Variants in MPP4 observed in about 807,000 individuals in gnomAD.
The protein encoded by MPP4 is MAGUK p55 scaffold protein 4.
Under a neutral mutation model 98.3 loss-of-function variants are expected in MPP4, and 91 were observed. The ratio of observed to expected loss-of-function variants is 0.93; its 90% CI spans 0.78 to 1.10. The LOEUF is 1.10. Among genes scored for constraint, MPP4 ranks in the 50% least tolerant of loss-of-function variants. The probability of loss-of-function intolerance (pLI) is 0.00; values close to 1 mark genes in which losing one functional copy is unlikely to be tolerated. For missense variants in MPP4, 744 were observed against 792.9 expected, an observed-to-expected ratio of 0.94 and a Z score of 0.74; for synonymous variants, 261 against 271.8, an observed-to-expected ratio of 0.96 and a Z score of 0.39.
chr2:201,662,177 C>G (rs1688047296), intron 14 of MPP4: 1 of 211,086 alleles, frequency 4.7e-6, no homozygotes, highest in Admixed American at 5.9e-5. Flanking sequence ...TTTTAAAAAT[C>G]AATACAATGC....
At chr2:201,656,083 T>G (rs1687838295) in intron 17 of MPP4, 115 bp downstream of exon 17, 2 of 1,173,560 alleles carry the variant, frequency 1.7e-6, no homozygotes, top group Admixed American at 3.1e-5. Context: ...AAAAAGGTAT[T>G]TGTATGGGGG....
Position 201,678,170 on chromosome 2 carries a change from C to G in MPP4, c.929+2668G>C, listed in dbSNP as rs549889752. On this transcript the variant is annotated intron_variant, in intron 10 of 21. Coordinates refer to ENST00000409474, the MANE Select transcript of MPP4 (RefSeq NM_033066.3). ...CCTATCATTCTTTGTTTGTGTGCCC[C>G]CCCAAGAAACCCATAATTGGGTTTT... Among the ~76,000 whole-genome samples the G allele has an allele frequency of 1.7e-4, 26 of 152,228 alleles. No homozygotes were observed. In the South Asian group the frequency reaches 2.5e-3, roughly 15 times the overall value.
intron 13 of MPP4, 85 bp from the exon 14 acceptor site, chr2:201,664,186 G>A: frequency 6.7e-7 from 1 of 1,502,704 alleles, no homozygotes; most frequent in Non-Finnish European, 9.0e-7. Flanking sequence ...TAATTCTCTG[G>A]CCCCTACTTC....
intron 3 of MPP4, among the ~76,000 whole-genome samples, chr2:201,692,591 A>T (rs1381937035): frequency 1.3e-5 from 2 of 151,452 alleles, no homozygotes; most frequent in Non-Finnish European, 2.9e-5. Context: ...CCGATAGGTC[A>T]TCAGGGCTCT....
At chr2:201,658,351 G>A (rs1687918680) in intron 16 of MPP4, 126 bp downstream of exon 16, 5 of 735,292 alleles carry the variant, frequency 6.8e-6, no homozygotes, top group Non-Finnish European at 1.1e-5. Context: ...AGAAAGAAAA[G>A]GAAACTAGAA....
At chr2:201,660,650 G>C (rs1209193474) in intron 14 of MPP4, among the ~76,000 whole-genome samples, 3 of 152,044 alleles carry the variant, frequency 2.0e-5, no homozygotes, top group African/African-American at 7.2e-5. Context: ...GGGCTTCAAA[G>C]GGAGAAGTTA....
At chr2:201,684,408 T>C (rs1282938293) in intron 7 of MPP4, among the ~76,000 whole-genome samples, 1 of 152,116 alleles carries the variant, frequency 6.6e-6, no homozygotes. Context: ...ACTCAAACGG[T>C]GTAACTCTGA....
In MPP4 at chr2:201,651,066, A is replaced by C. The variant is rs550778394; in HGVS notation, c.1382-901T>G. The C allele has an allele frequency of 1.5e-5, 15 of 985,406 alleles. No homozygotes were observed. The Admixed American group carries it at 8.0e-4, about 52-fold the overall frequency. 61.0% of individuals were successfully genotyped at this position (985,406 alleles called of 1,614,324 possible). On this transcript the variant is annotated intron_variant, in intron 18 of 21. Transcript: ENST00000409474. ...TAAGACAGTTTCAACTCTGCATCCT[A>C]TATACTGTAAAGCTAGTCCCTTAAT... is the stretch of plus-strand genomic sequence containing the variant.
chr2:201,684,738 C>T (rs1416610168), intron 7 of MPP4, among the ~76,000 whole-genome samples: 7 of 151,914 alleles, frequency 4.6e-5, no homozygotes, highest in South Asian at 4.1e-4. Context: ...ATCACGAGGT[C>T]GGGAGATTGA....
intron 16 of MPP4, 67 bp downstream of exon 16, chr2:201,658,410 A>G: frequency 7.4e-7 from 1 of 1,347,126 alleles, no homozygotes; most frequent in African/African-American, 1.5e-5. Context: ...CTTTCAAAAC[A>G]GTGTCAGGTT....
At chr2:201,652,517 T>A (rs1687741954) in intron 18 of MPP4, among the ~76,000 whole-genome samples, 1 of 152,164 alleles carries the variant, frequency 6.6e-6, no homozygotes, top group Non-Finnish European at 1.5e-5. Flanking sequence ...TTCACTCAGG[T>A]TTAATTTTAA....
In MPP4 at chr2:201,680,972, G is replaced by A. The variant is rs746057171; in HGVS notation, c.795C>T (p.Asp265=). The A allele has an allele frequency of 9.9e-6, 16 of 1,613,778 alleles. No individual in the cohort carries two copies. The highest frequency in any genetic ancestry group is 5.5e-5 in the South Asian group (5 of 91,082). The change falls in exon 10 of 22, where the codon GAC becomes GAT. Residue 265 remains aspartate (D), a synonymous_variant. Coordinates refer to ENST00000409474, the MANE Select transcript of MPP4 (RefSeq NM_033066.3). ...CCCCCTTCTGGAAAGGCAATCCAGC[G>A]TCCATGCAGGGGATGTCGGGATCCT... The part of the protein sequence containing the change: ...PQEDPDIPCM[D]AGLPFQKGDI...
chr2:201,686,550 A>T (rs1255850559), intron 5 of MPP4, among the ~76,000 whole-genome samples: 1 of 152,216 alleles, frequency 6.6e-6, no homozygotes, highest in Non-Finnish European at 1.5e-5. Flanking sequence ...GGGTATGATC[A>T]TAGGGTATGA....
intron 1 of MPP4, chr2:201,698,011 A>G: frequency 1.0e-6 from 1 of 985,406 alleles, no homozygotes; most frequent in Non-Finnish European, 1.2e-6. Flanking sequence ...AGAATTCTTG[A>G]TTGAGACTGC....
rs551237388 is a variant in MPP4, at chr2:201,671,566, C to A, written c.995-1816G>T. Among the ~76,000 whole-genome samples the A allele has an allele frequency of 4.3e-4, 65 of 152,032 alleles. No homozygotes were observed. The South Asian group carries it at 0.013, about 31-fold the overall frequency. ...AAGGGATGGAGGAATATTTACCAAG[C>A]AAATGGAAAGCAAAAAAAAGCAGGG... On this transcript the variant is annotated intron_variant, in intron 11 of 21. Transcript: ENST00000409474.
chr2:201,657,512 A>G (rs1687879548), intron 16 of MPP4, among the ~76,000 whole-genome samples: 3 of 151,756 alleles, frequency 2.0e-5, no homozygotes, highest in Admixed American at 2.0e-4. Context: ...ATGTCAATCC[A>G]ACACTACAGG....
chr2:201,678,160 T>C (rs1688566056), intron 10 of MPP4, among the ~76,000 whole-genome samples: 1 of 151,542 alleles, frequency 6.6e-6, no homozygotes, highest in Non-Finnish European at 1.5e-5. Flanking sequence ...CATTCTTTGT[T>C]TGTGTGCCCC....
chr2:201,660,849 T>C (rs749951023), intron 14 of MPP4, among the ~76,000 whole-genome samples: 1 of 152,150 alleles, frequency 6.6e-6, no homozygotes, highest in Non-Finnish European at 1.5e-5. Context: ...AGCTGCCCCA[T>C]GAAGACAGAG....
At chr2:201,673,246 C>T (rs769108470) in intron 11 of MPP4, among the ~76,000 whole-genome samples, 44 of 152,064 alleles carry the variant, frequency 2.9e-4, no homozygotes, top group Admixed American at 1.3e-4. Context: ...TTATGACAAA[C>T]GCACAGCCAG....
Sources: gnomAD v4.1 joint callset for allele counts (sites outside exome capture counted in the v4.1 genomes callset) on GRCh38, gnomAD v4.1.1 for gene constraint, MANE v1.5 for transcripts, NCBI Gene and HGNC (gene_info 2026-07-23, HGNC 2026-07-21) for gene names.